The following ZFHX3 variants were observed in gnomAD, a reference collection of about 807,000 sequenced individuals.
The protein encoded by ZFHX3 is zinc finger homeobox protein 3.
In ZFHX3, 42 loss-of-function variants were observed where a neutral mutation model predicts 279.1. That is an observed-to-expected ratio of 0.15 (90% CI 0.12 to 0.19). ZFHX3 has a LOEUF of 0.19. Among genes scored for constraint, ZFHX3 ranks in the 10% least tolerant of loss-of-function variants. ZFHX3 has a pLI of 1.00. For missense variants in ZFHX3, 4,981 were observed against 4,754.0 expected (o/e 1.05, Z -1.40); for synonymous variants, 2,293 against 1,957.8 (o/e 1.17, Z -4.52).
In ZFHX3 at chr16:73,864,183, T is replaced by C. The variant is rs148058611; in HGVS notation, c.-1608+27468A>G. 2.6e-4 allele frequency among the ~76,000 whole-genome samples: 39 copies of C among 152,324 alleles called. No homozygotes were observed. The East Asian group carries it at 7.3e-3, about 29-fold the overall frequency. On this transcript the variant is annotated intron_variant, in intron 1 of 17. Transcript: ENST00000641206. ...ACTTCATGAATTTACACATAACTTATCTCAGCAAACACAGCACAAGGGTCT... is the reference window on the plus strand; with the variant it reads ...ACTTCATGAATTTACACATAACTTACCTCAGCAAACACAGCACAAGGGTCT...
intron 2 of ZFHX3, among the ~76,000 whole-genome samples, chr16:73,511,302 C>G (rs1469817295): frequency 6.6e-6 from 1 of 152,186 alleles, no homozygotes; most frequent in Non-Finnish European, 1.5e-5. Flanking sequence ...TCTTTCCCAC[C>G]ATGACCTCAC....
intron 1 of ZFHX3, among the ~76,000 whole-genome samples, chr16:73,875,358 G>T (rs2029914387): frequency 6.6e-6 from 1 of 152,068 alleles, no homozygotes; most frequent in Non-Finnish European, 1.5e-5. Context: ...AGGCACGTAA[G>T]GTGCAAACAC....
intron 1 of ZFHX3, among the ~76,000 whole-genome samples, chr16:73,802,867 G>C (rs140493159): frequency 4.3e-4 from 66 of 152,272 alleles, no homozygotes; most frequent in Admixed American, 6.5e-4. Flanking sequence ...GCCCAGGCTA[G>C]AGTGCAATGG....
intron 1 of ZFHX3, among the ~76,000 whole-genome samples, chr16:72,976,585 C>A (rs1962357094): frequency 6.6e-6 from 1 of 152,206 alleles, no homozygotes; most frequent in East Asian, 1.9e-4. Context: ...AAGGAAGGAA[C>A]TGGAAGGCAG....
intron 3 of ZFHX3, among the ~76,000 whole-genome samples, chr16:73,455,511 G>C (rs2018356384): frequency 6.6e-6 from 1 of 152,144 alleles, no homozygotes; most frequent in South Asian, 2.1e-4. Context: ...GCTGAAGAGA[G>C]ACCCAGGATG....
At chr16:73,083,994 T>A (rs564525455) in intron 8 of ZFHX3, among the ~76,000 whole-genome samples, 1 of 152,158 alleles carries the variant, frequency 6.6e-6, no homozygotes, top group Non-Finnish European at 1.5e-5. Context: ...CCAAGGGACA[T>A]TTGGAAGTGT....
chr16:73,152,894 C>T lies in ZFHX3; in HGVS notation c.-1103-9063G>A, dbSNP rs573995905. ...CGGGTAATCAAAGCCCTTCTAATCG[C>T]TGCAGCTCTGGAGATGTGTTCAAAG... On this transcript the variant is annotated intron_variant, in intron 5 of 17. Transcript: ENST00000641206. Among the ~76,000 whole-genome samples, 537 of 152,112 alleles carry T rather than the reference C, an allele frequency of 3.5e-3. 3 individuals carry two copies. The highest frequency in any genetic ancestry group is 0.012 in the African/African-American group (496 of 41,488).
At position 73,782,324 on chromosome 16, in the gene ZFHX3, C is replaced by T. The variant is rs558172786; in HGVS notation, c.-1607-102084G>A. On this transcript the variant is annotated intron_variant, in intron 1 of 17. Transcript: ENST00000641206. ...CTCTAACTTGTTTTAGGTCACAGAA[C>T]GCTTTGGAGAATCTGTCAAAAGTTA... 4.3e-4 allele frequency among the ~76,000 whole-genome samples: 65 copies of T among 152,278 alleles called. 1 individual carries two copies. Among genetic ancestry groups the T allele is most frequent in the South Asian group, 1.5e-3 (7 of 4,826 alleles).
chr16:73,882,376 C>T (rs971000269), intron 1 of ZFHX3, among the ~76,000 whole-genome samples: 1 of 151,998 alleles, frequency 6.6e-6, no homozygotes, highest in Non-Finnish European at 1.5e-5. Flanking sequence ...TTTAACAAAG[C>T]TAAAAGTAAA....
intron 1 of ZFHX3, among the ~76,000 whole-genome samples, chr16:73,751,661 C>T (rs1036821689): frequency 6.6e-6 from 1 of 152,022 alleles, no homozygotes; most frequent in Non-Finnish European, 1.5e-5. Flanking sequence ...GTTTTATAGG[C>T]CTATCTTCTC....
chr16:73,754,999 C>T (rs1314503865), intron 1 of ZFHX3, among the ~76,000 whole-genome samples: 1 of 152,128 alleles, frequency 6.6e-6, no homozygotes, highest in Non-Finnish European at 1.5e-5. Context: ...GTTTAATCTT[C>T]AAAGCACCCT....
At chr16:73,478,314 A>C (rs936966395) in intron 2 of ZFHX3, among the ~76,000 whole-genome samples, 8 of 151,446 alleles carry the variant, frequency 5.3e-5, no homozygotes, top group Non-Finnish European at 4.4e-5. Context: ...AAGCCATATG[A>C]CATGCCTGAA....
intron 5 of ZFHX3, among the ~76,000 whole-genome samples, chr16:73,179,724 T>C (rs954064393): frequency 3.3e-5 from 5 of 152,164 alleles, no homozygotes; most frequent in Non-Finnish European, 7.3e-5. Context: ...GGGTCCTTTA[T>C]ACGCATCTTG....
chr16:73,395,644 A>G (rs532691906), intron 3 of ZFHX3, among the ~76,000 whole-genome samples: 2 of 152,034 alleles, frequency 1.3e-5, no homozygotes, highest in African/African-American at 4.8e-5. Flanking sequence ...CAAATGGATT[A>G]TTTTTCTGAA....
intron 4 of ZFHX3, among the ~76,000 whole-genome samples, chr16:73,277,949 T>A (rs1597258041): frequency 1.3e-5 from 2 of 152,072 alleles, no homozygotes; most frequent in African/African-American, 2.4e-5. Context: ...CAGGATCTCA[T>A]GAGAATTCAC....
intron 5 of ZFHX3, among the ~76,000 whole-genome samples, chr16:73,239,657 TTGAA>T (rs1427463417): frequency 1.3e-5 from 2 of 151,962 alleles, no homozygotes; most frequent in Non-Finnish European, 2.9e-5. Context: ...CCTGGTGGAG[TTGAA>T]TAGTGAGAAA....
intron 4 of ZFHX3, among the ~76,000 whole-genome samples, chr16:72,863,944 G>A (rs1007365289): frequency 2.6e-5 from 4 of 151,984 alleles, no homozygotes; most frequent in East Asian, 3.9e-4. Flanking sequence ...GTGAAACCCC[G>A]TCTCTACTAA....
intron 4 of ZFHX3, among the ~76,000 whole-genome samples, chr16:73,277,883 T>C (rs770029913): frequency 1.3e-5 from 2 of 152,234 alleles, no homozygotes; most frequent in Admixed American, 6.5e-5. Context: ...GCAAGGTGTC[T>C]TACAAGGCAG....
intron 2 of ZFHX3, among the ~76,000 whole-genome samples, chr16:73,575,553 G>C (rs907915650): frequency 6.6e-6 from 1 of 152,148 alleles, no homozygotes; most frequent in African/African-American, 2.4e-5. Flanking sequence ...AAGGGGTCTG[G>C]AGTGAGAGAA....
Sources: gnomAD v4.1 joint callset for allele counts (sites outside exome capture counted in the v4.1 genomes callset) on GRCh38, gnomAD v4.1.1 for gene constraint, MANE v1.5 for transcripts, NCBI Gene and HGNC (gene_info 2026-07-23, HGNC 2026-07-21) for gene names.